Variants in PTPN12 observed in about 807,000 individuals in gnomAD.
PTPN12 encodes tyrosine-protein phosphatase non-receptor type 12.
PTPN12 carries 29 observed loss-of-function variants against 97.6 expected under a neutral mutation model. That is an observed-to-expected ratio of 0.30 (90% CI 0.22 to 0.41). The LOEUF (loss-of-function observed/expected upper bound fraction) is 0.41. PTPN12 is among the 10% of genes least tolerant of loss of function. The pLI, the probability that PTPN12 is intolerant of heterozygous loss-of-function variation, is 1.00. For missense variants in PTPN12, 819 were observed against 926.0 expected (o/e 0.88, Z 1.50); for synonymous variants, 327 against 300.4 (o/e 1.09, Z -0.91).
intron 11 of PTPN12, among the ~76,000 whole-genome samples, chr7:77,613,067 G>A (rs949917139): frequency 4.7e-5 from 7 of 150,034 alleles, no homozygotes; most frequent in African/African-American, 7.4e-5. Flanking sequence ...CACTGCACCC[G>A]GCCAAACATT....
chr7:77,614,123 T>C (rs1245060199), intron 11 of PTPN12, among the ~76,000 whole-genome samples: 3 of 151,488 alleles, frequency 2.0e-5, no homozygotes, highest in Non-Finnish European at 4.4e-5. Context: ...GCTCCAACAG[T>C]CCTCCCCCAC....
intron 16 of PTPN12, among the ~76,000 whole-genome samples, chr7:77,637,571 A>G (rs17382771): frequency 0.018 from 2,796 of 152,244 alleles, 34 homozygotes; most frequent in Middle Eastern, 0.071. Context: ...AAGTGGAGTT[A>G]TTAGGCCTGG....
At chr7:77,578,191 A>G (rs1277498618) in intron 2 of PTPN12, among the ~76,000 whole-genome samples, 5 of 152,184 alleles carry the variant, frequency 3.3e-5, no homozygotes, top group East Asian at 3.8e-4. Flanking sequence ...AATAGAGGCT[A>G]ATATGTCATA....
intron 17 of PTPN12, 86 bp downstream of exon 17, chr7:77,638,817 T>TG: frequency 6.8e-7 from 1 of 1,470,540 alleles, no homozygotes; most frequent in South Asian, 1.5e-5. Context: ...AAATGACACT[T>TG]GCCAAGAATA....
intron 6 of PTPN12, among the ~76,000 whole-genome samples, chr7:77,593,166 G>A (rs1489542770): frequency 6.6e-6 from 1 of 152,036 alleles, no homozygotes; most frequent in Non-Finnish European, 1.5e-5. Context: ...CTACTTGGGA[G>A]GCTGAGGCAC....
chr7:77,589,707 T>C (rs1787805150), intron 5 of PTPN12, among the ~76,000 whole-genome samples: 1 of 152,154 alleles, frequency 6.6e-6, no homozygotes, highest in Non-Finnish European at 1.5e-5. Flanking sequence ...ATATAAAAAC[T>C]GAGAAATTAT....
At chr7:77,612,510 C>G (rs1460560747) in intron 11 of PTPN12, among the ~76,000 whole-genome samples, 1 of 152,200 alleles carries the variant, frequency 6.6e-6, no homozygotes, top group Non-Finnish European at 1.5e-5. Flanking sequence ...GCAATCTTGG[C>G]TCACCGTAAC....
intron 12 of PTPN12, among the ~76,000 whole-genome samples, chr7:77,621,933 A>C (rs946772417): frequency 2.0e-5 from 3 of 152,134 alleles, no homozygotes; most frequent in African/African-American, 7.2e-5. Flanking sequence ...CATGTCTTTC[A>C]GTAATTTTTA....
intron 12 of PTPN12, among the ~76,000 whole-genome samples, chr7:77,626,302 A>G (rs190252775): frequency 4.6e-5 from 7 of 152,242 alleles, no homozygotes; most frequent in Non-Finnish European, 8.8e-5. Context: ...AAAAATTACA[A>G]TATAACAGTA....
intron 2 of PTPN12, among the ~76,000 whole-genome samples, chr7:77,576,765 C>T (rs1171024058): frequency 1.3e-5 from 2 of 152,152 alleles, no homozygotes; most frequent in East Asian, 3.9e-4. Flanking sequence ...ACTTCTAGTT[C>T]CCGGCGCTTT....
Position 77,605,945 on chromosome 7 carries a change from C to CCTT in PTPN12, c.696-1290_696-1289insCTT, listed in dbSNP as rs1788357369. Among the ~76,000 whole-genome samples the CCTT allele has an allele frequency of 1.2e-4, 6 of 51,916 alleles. 1 individual carries two copies. The highest frequency in any genetic ancestry group is 4.8e-4 in the African/African-American group (6 of 12,608). 34.1% of individuals were successfully genotyped at this position (51,916 alleles called of 152,430 possible). A position where few individuals can be genotyped will look rare whatever the true frequency, so the allele number is the denominator to read the frequency against. On this transcript the variant is annotated intron_variant, in intron 8 of 17. Transcript: ENST00000248594. ...TCCTGTACTCTAAAACAAGAGCCAT[C>CCTT]TTTTTTTTTTTTTTTTTTTTTTTTT...
rs759744488 is a variant in PTPN12 at position 77,627,627 on chromosome 7, A to G, written c.1948A>G (p.Ile650Val). The G allele has an allele frequency of 1.9e-6, 3 of 1,607,440 alleles. No individual in the cohort carries two copies. The highest frequency in any genetic ancestry group is 2.7e-5 in the African/African-American group (2 of 74,682). Reference protein sequence around the residue: ...ISTRKVLPMSIARHNIAGTTH... With the variant: ...ISTRKVLPMSVARHNIAGTTH... Reference sequence around the variant, plus strand: ...TACTAGGAAAGTATTGCCAATGTCCATTGCTAGACATAATATAGCAGGAAC... The same window carrying G: ...TACTAGGAAAGTATTGCCAATGTCCGTTGCTAGACATAATATAGCAGGAAC... Residue 650 changes from isoleucine to valine, a missense_variant, in exon 13 of 18, where the codon ATT becomes GTT. Around this residue, in one of 5 missense-constraint regions of PTPN12, gnomAD observed 607 missense variants for 577.3 expected, o/e 1.05. Coordinates refer to ENST00000248594, the MANE Select transcript of PTPN12 (RefSeq NM_002835.4).
chr7:77,632,961 G>GTAAA (rs1174315298), intron 14 of PTPN12, among the ~76,000 whole-genome samples: 4 of 151,610 alleles, frequency 2.6e-5, no homozygotes, highest in African/African-American at 7.3e-5. Context: ...GTCTCAAAAA[G>GTAAA]TAAATAAATA....
rs535436502 is a variant in PTPN12 at position 77,560,319 on chromosome 7, G to A, written c.100-10759G>A. Among the ~76,000 whole-genome samples the A allele has an allele frequency of 4.6e-5, 7 of 152,224 alleles. No homozygotes were observed. The East Asian group carries it at 1.4e-3, about 29-fold the overall frequency. On this transcript the variant is annotated intron_variant, in intron 1 of 17. Transcript: ENST00000248594. ...AGCTGTTCTTTTTGATACTGGATAGGACATTTAATTCTGTACAAACAACTA... is the reference window on the plus strand; with the variant it reads ...AGCTGTTCTTTTTGATACTGGATAGAACATTTAATTCTGTACAAACAACTA...
chr7:77,540,429 G>A (rs551103978), intron 1 of PTPN12, among the ~76,000 whole-genome samples: 1 of 151,798 alleles, frequency 6.6e-6, no homozygotes. Context: ...GTAGAGATGG[G>A]ATTTCACCAT....
Position 77,639,330 on chromosome 7 carries a change from A to G in PTPN12, c.*50A>G, listed in dbSNP as rs868270181. 15 of 1,419,416 alleles carry G rather than the reference A, an allele frequency of 1.1e-5. No individual in the cohort carries two copies. The highest frequency in any genetic ancestry group is 3.5e-4 in the Middle Eastern group (2 of 5,724). The allele number at this position is 1,419,416 out of a possible 1,614,324, so 87.9% of individuals were successfully genotyped here. A position where few individuals can be genotyped will look rare whatever the true frequency, so the allele number is the denominator to read the frequency against. On this transcript the variant is annotated 3_prime_UTR_variant, in exon 18 of 18. Transcript: ENST00000248594. ...AGTTATACTGGAAAATTCAGGTGCC[A>G]CTGAAAGCCAGATTTATAGTATTCC... is the stretch of plus-strand genomic sequence containing the variant.
chr7:77,636,200 C>G (rs1267596699), intron 15 of PTPN12, among the ~76,000 whole-genome samples: 1 of 152,024 alleles, frequency 6.6e-6, no homozygotes, highest in Non-Finnish European at 1.5e-5. Context: ...TAGATGCTTC[C>G]CATTATAACA....
chr7:77,632,004 C>G (rs1789415082), intron 13 of PTPN12, among the ~76,000 whole-genome samples: 1 of 152,136 alleles, frequency 6.6e-6, no homozygotes, highest in African/African-American at 2.4e-5. Flanking sequence ...ACGCAAATGA[C>G]CAAAGCTTTC....
chr7:77,566,538 G>A (rs541732470), intron 1 of PTPN12, among the ~76,000 whole-genome samples: 371 of 152,154 alleles, frequency 2.4e-3, no homozygotes, highest in Non-Finnish European at 4.7e-3. Context: ...CCTGGACAAC[G>A]TGGCGAAACC....
Sources: allele counts gnomAD v4.1 joint callset (sites outside exome capture counted in the v4.1 genomes callset), GRCh38; gene constraint gnomAD v4.1.1; regional missense constraint gnomAD v4.1.1; transcripts MANE v1.5; gene names NCBI Gene and HGNC (gene_info 2026-07-23, HGNC 2026-07-21).